Variants in UHRF2 observed in about 807,000 individuals in gnomAD.
UHRF2 encodes the protein E3 ubiquitin-protein ligase UHRF2.
Under a neutral mutation model 96.8 loss-of-function variants are expected in UHRF2, and 23 were observed. The ratio of observed to expected loss-of-function variants is 0.24; its 90% CI spans 0.17 to 0.34. UHRF2 has a LOEUF of 0.34. Ranked by LOEUF, UHRF2 falls within the 10% of genes least tolerant of loss-of-function variation. The pLI is 1.00. For missense variants in UHRF2, 685 were observed against 981.5 expected, an observed-to-expected ratio of 0.70 and a Z score of 4.04; for synonymous variants, 385 against 332.6, an observed-to-expected ratio of 1.16 and a Z score of -1.72.
intron 2 of UHRF2, among the ~76,000 whole-genome samples, chr9:6,431,449 G>A (rs1820557527): frequency 6.6e-6 from 1 of 152,068 alleles, no homozygotes; most frequent in South Asian, 2.1e-4. Context: ...TCTACAAGAA[G>A]TAACATTAGC....
intron 1 of UHRF2, 181 bp downstream of exon 1, chr9:6,413,824 G>T (rs2130693365): frequency 1.4e-6 from 1 of 724,780 alleles, no homozygotes; most frequent in Non-Finnish European, 2.0e-6. Context: ...GGTGGGGAGT[G>T]GGTCCCTGCC....
Position 6,484,785 on chromosome 9 carries a change from C to CTTTTTTTTTTT in UHRF2, c.1393-2021_1393-2011dup, listed in dbSNP as rs34815980. 38 of 66,310 alleles carry CTTTTTTTTTTT rather than the reference C, an allele frequency of 5.7e-4. 1 individual carries two copies. Among genetic ancestry groups the CTTTTTTTTTTT allele is most frequent in the Non-Finnish European group, 8.8e-4 (32 of 36,536 alleles). 4.1% of individuals were successfully genotyped at this position (66,310 alleles called of 1,614,324 possible). ...ATCTTTTAGTTGTATTCACTTCTTT[C>CTTTTTTTTTTT]TTTTTTTTTTTTTTTTTTTTTTTTT... On this transcript the variant is annotated intron_variant, in intron 8 of 15. Transcript: ENST00000276893.
In UHRF2 at chr9:6,460,633, C is replaced by G. The variant is rs1367903984; in HGVS notation, c.705C>G (p.Thr235=). 1.2e-6 allele frequency: 2 copies of G among 1,612,904 alleles called. No homozygotes were observed. Among genetic ancestry groups the G allele is most frequent in the African/African-American group, 1.3e-5 (1 of 74,884 alleles). The part of the protein sequence containing the change: ...NVKDLRPRAR[T]ILKWNELNVG... ...AGGATCTTAGACCACGAGCTAGAACCATTTTGAAATGGAATGAACTAAATG... is the reference window on the plus strand; with the variant it reads ...AGGATCTTAGACCACGAGCTAGAACGATTTTGAAATGGAATGAACTAAATG... The change falls in exon 4 of 16, where the codon ACC becomes ACG. Residue 235 remains threonine, a synonymous_variant. Transcript: ENST00000276893.
intron 11 of UHRF2, 38 bp downstream of exon 11, chr9:6,497,398 C>G: frequency 6.2e-7 from 1 of 1,602,872 alleles, no homozygotes; most frequent in Non-Finnish European, 8.5e-7. Flanking sequence ...TGTCATTCTT[C>G]CTGGGCTTTC....
intron 5 of UHRF2, 124 bp from the exon 6 acceptor site, chr9:6,477,498 C>T: frequency 1.1e-6 from 1 of 880,140 alleles, no homozygotes; most frequent in African/African-American, 1.7e-5. Context: ...TGCACTCCAG[C>T]CTGGGTAACA....
At chr9:6,504,799 C>A (rs1042662647) in intron 15 of UHRF2, 108 bp downstream of exon 15, 17 of 759,186 alleles carry the variant, frequency 2.2e-5, no homozygotes, top group Non-Finnish European at 3.5e-5. Flanking sequence ...GGGATAGTTG[C>A]GGAACCTTCT....
intron 3 of UHRF2, among the ~76,000 whole-genome samples, chr9:6,448,157 A>G (rs1214476658): frequency 2.0e-5 from 3 of 152,184 alleles, no homozygotes; most frequent in African/African-American, 7.2e-5. Flanking sequence ...TCTAGAAGAA[A>G]TGTTTCAAAG....
rs548863442 is a variant in UHRF2 at position 6,476,191 on chromosome 9, A to G, written c.973+691A>G. 5.9e-5 allele frequency among the ~76,000 whole-genome samples: 9 copies of G among 152,270 alleles called. No homozygotes were observed. The South Asian group carries it at 1.7e-3, about 28-fold the overall frequency. ...AACATAATGTTCTCCAGTTTCATCC[A>G]TGTTGTAAATGAAAGGATTCTATTA... On this transcript the variant is annotated intron_variant, in intron 5 of 15. Coordinates refer to ENST00000276893, the MANE Select transcript of UHRF2 (RefSeq NM_152896.3).
In UHRF2 at chr9:6,420,739, T is replaced by C. The variant is rs564299638; in HGVS notation, c.154-173T>C. On this transcript the variant is annotated intron_variant, in intron 1 of 15. Transcript: ENST00000276893. ...AAAAAAAAGAGAGAGAGAGAATGTA[T>C]TGGGGTCCAGAGAAGACACTGACAT... Among the ~76,000 whole-genome samples the C allele has an allele frequency of 1.6e-4, 24 of 151,504 alleles. No individual in the cohort carries two copies. The South Asian group carries it at 3.6e-3, about 22-fold the overall frequency.
Position 6,481,749 on chromosome 9 carries a change from CGAA to C in UHRF2, c.1270_1272del (p.Arg424del). 1 of 1,613,490 alleles carries C rather than the reference CGAA, an allele frequency of 6.2e-7. No homozygotes were observed. ...GATGCCGTCAGCTAGTACTGAAAGC[CGAA>C]GAGACTGGGGCAGGGTAAAGAAGAA... On this transcript the variant is annotated inframe_deletion, in exon 7 of 16. Transcript: ENST00000276893.
intron 6 of UHRF2, among the ~76,000 whole-genome samples, chr9:6,478,179 A>G (rs1823702067): frequency 6.6e-6 from 1 of 152,204 alleles, no homozygotes; most frequent in Non-Finnish European, 1.5e-5. Context: ...TTCCCCAAAT[A>G]CTCTACACTG....
intron 2 of UHRF2, among the ~76,000 whole-genome samples, chr9:6,429,669 T>A (rs1422130256): frequency 5.3e-5 from 8 of 152,192 alleles, no homozygotes; most frequent in Non-Finnish European, 8.8e-5. Context: ...ATTGAACGTA[T>A]ATACTTAGTA....
At chr9:6,491,557 T>C (rs1824661732) in intron 9 of UHRF2, among the ~76,000 whole-genome samples, 1 of 152,228 alleles carries the variant, frequency 6.6e-6, no homozygotes, top group Non-Finnish European at 1.5e-5. Flanking sequence ...TTCATTGTGC[T>C]TTGGAATTAT....
In UHRF2 at chr9:6,506,389, C is replaced by CTA; in HGVS notation, c.*211_*212dup. Reference sequence around the variant, plus strand: ...TATCTAAAGGTAGTTCCTGTAACAACTAGTTTTAATGAGTAAAAAGTCAAA... The same window carrying CTA: ...TATCTAAAGGTAGTTCCTGTAACAACTATAGTTTTAATGAGTAAAAAGTCAAA... On this transcript the variant is annotated 3_prime_UTR_variant, in exon 16 of 16. Coordinates refer to ENST00000276893, the MANE Select transcript of UHRF2 (RefSeq NM_152896.3). 1.9e-6 allele frequency: 1 copy of CTA among 521,396 alleles called. No homozygotes were observed. 32.3% of individuals were successfully genotyped at this position (521,396 alleles called of 1,614,324 possible).
At chr9:6,488,982 G>A (rs1403048477) in intron 9 of UHRF2, among the ~76,000 whole-genome samples, 1 of 151,686 alleles carries the variant, frequency 6.6e-6, no homozygotes, top group Non-Finnish European at 1.5e-5. Flanking sequence ...ACTAATTTTT[G>A]TATTTTTAGT....
At chr9:6,445,588 T>TA (rs1381063064) in intron 3 of UHRF2, among the ~76,000 whole-genome samples, 3 of 152,110 alleles carry the variant, frequency 2.0e-5, no homozygotes, top group Non-Finnish European at 4.4e-5. Context: ...GACAGGGTCT[T>TA]ACTGTGTCAC....
intron 4 of UHRF2, among the ~76,000 whole-genome samples, chr9:6,462,315 C>A (rs1255572994): frequency 3.3e-5 from 5 of 150,174 alleles, no homozygotes; most frequent in African/African-American, 1.2e-4. Context: ...TTTGCTGACT[C>A]CTGAGATTTA....
At chr9:6,500,855 A>G (rs982554722) in intron 14 of UHRF2, 146 bp downstream of exon 14, 5 of 717,606 alleles carry the variant, frequency 7.0e-6, no homozygotes, top group Non-Finnish European at 1.1e-5. Context: ...TTCAGAAATA[A>G]TCTGAGGCAA....
chr9:6,446,645 C>T (rs926436479), intron 3 of UHRF2, among the ~76,000 whole-genome samples: 5 of 150,698 alleles, frequency 3.3e-5, no homozygotes, highest in Non-Finnish European at 5.9e-5. Flanking sequence ...GGACGACAGG[C>T]GTTTGAGACC....
Sources: gnomAD v4.1 joint callset for allele counts (sites outside exome capture counted in the v4.1 genomes callset) on GRCh38, gnomAD v4.1.1 for gene constraint, MANE v1.5 for transcripts, NCBI Gene and HGNC (gene_info 2026-07-23, HGNC 2026-07-21) for gene names.